The following SLCO6A1 variants were observed in gnomAD, a reference collection of about 807,000 sequenced individuals.
SLCO6A1 encodes the protein cancer/testis antigen 48.
Under a neutral mutation model 72.7 loss-of-function variants are expected in SLCO6A1, and 65 were observed. That is an observed-to-expected ratio of 0.89 (90% CI 0.73 to 1.10). The LOEUF is 1.10. SLCO6A1 is among the 50% of genes least tolerant of loss of function. The pLI, the probability that SLCO6A1 is intolerant of heterozygous loss-of-function variation, is 0.00. For synonymous variants in SLCO6A1, 314 were observed against 298.2 expected (o/e 1.05, Z -0.55); for missense variants, 874 against 872.6 (o/e 1.00, Z -0.02).
intron 11 of SLCO6A1, among the ~76,000 whole-genome samples, chr5:102,389,641 C>T (rs765729727): frequency 3.4e-4 from 51 of 149,744 alleles, no homozygotes; most frequent in Admixed American, 1.1e-3. Context: ...TTTAATTACT[C>T]AAGTTTAAAA....
At chr5:102,482,032 T>C (rs1482130632) in intron 1 of SLCO6A1, among the ~76,000 whole-genome samples, 4 of 152,160 alleles carry the variant, frequency 2.6e-5, no homozygotes, top group Non-Finnish European at 5.9e-5. Context: ...GCACCCAGGA[T>C]AAGAATTTTC....
chr5:102,498,920 G>C lies in SLCO6A1; in HGVS notation c.-76C>G. On this transcript the variant is annotated 5_prime_UTR_variant, in exon 1 of 14. Coordinates refer to ENST00000506729, the MANE Select transcript of SLCO6A1 (RefSeq NM_173488.5). ...CCGTCCTGCCTGGGCCAACCCAAAG[G>C]CCAGCCTGGCGAGGGCGTCGGAGGA... 2.8e-6 allele frequency: 4 copies of C among 1,403,706 alleles called. No individual in the cohort carries two copies. Among genetic ancestry groups the C allele is most frequent in the Non-Finnish European group, 3.8e-6 (4 of 1,041,006 alleles). The allele number at this position is 1,403,706 out of a possible 1,614,324, so 87.0% of individuals were successfully genotyped here. A position where few individuals can be genotyped will look rare whatever the true frequency, so the allele number is the denominator to read the frequency against.
chr5:102,489,191 C>T (rs1440400242), intron 1 of SLCO6A1, among the ~76,000 whole-genome samples: 2 of 152,180 alleles, frequency 1.3e-5, no homozygotes, highest in African/African-American at 4.8e-5. Context: ...TTTTTAAATG[C>T]TCAGCAGGAT....
At chr5:102,384,882 T>G (rs978995458) in intron 12 of SLCO6A1, among the ~76,000 whole-genome samples, 1 of 152,116 alleles carries the variant, frequency 6.6e-6, no homozygotes, top group Non-Finnish European at 1.5e-5. Flanking sequence ...CCCTTTAGCA[T>G]TTCTCTCTCT....
At chr5:102,440,071 T>C (rs1284234523) in intron 6 of SLCO6A1, among the ~76,000 whole-genome samples, 1 of 152,196 alleles carries the variant, frequency 6.6e-6, no homozygotes, top group Non-Finnish European at 1.5e-5. Flanking sequence ...AACTTTTGCC[T>C]TGGGACTCAG....
chr5:102,447,660 T>C (rs1237546734), intron 6 of SLCO6A1, among the ~76,000 whole-genome samples: 1 of 152,224 alleles, frequency 6.6e-6, no homozygotes. Flanking sequence ...TTTGCGTGCA[T>C]AGTGGTGCTT....
At chr5:102,401,955 T>C (rs1282751078) in intron 9 of SLCO6A1, among the ~76,000 whole-genome samples, 1 of 152,026 alleles carries the variant, frequency 6.6e-6, no homozygotes, top group East Asian at 1.9e-4. Context: ...TACAACCTTT[T>C]AGCCATACAA....
chr5:102,436,761 T>C (rs994725423), intron 7 of SLCO6A1, among the ~76,000 whole-genome samples: 1 of 152,172 alleles, frequency 6.6e-6, no homozygotes, highest in African/African-American at 2.4e-5. Flanking sequence ...CTAAAACAGC[T>C]ACCATTTGAA....
intron 6 of SLCO6A1, among the ~76,000 whole-genome samples, chr5:102,447,614 T>C (rs1032293756): frequency 2.0e-5 from 3 of 152,104 alleles, no homozygotes; most frequent in Non-Finnish European, 4.4e-5. Context: ...GGTTGCATGC[T>C]TCCAGAAATT....
At chr5:102,430,748 G>T (rs1285449801) in intron 7 of SLCO6A1, among the ~76,000 whole-genome samples, 3 of 151,996 alleles carry the variant, frequency 2.0e-5, no homozygotes, top group African/African-American at 7.2e-5. Context: ...ATATTGGCCT[G>T]AATTTTTGTT....
chr5:102,391,278 G>T (rs897208640), intron 10 of SLCO6A1: 3 of 473,668 alleles, frequency 6.3e-6, no homozygotes, highest in Non-Finnish European at 1.1e-5. Flanking sequence ...AAAGAAGAAG[G>T]TTTTTATGGC....
At chr5:102,455,409 T>C (rs1043446256) in intron 6 of SLCO6A1, among the ~76,000 whole-genome samples, 2 of 152,048 alleles carry the variant, frequency 1.3e-5, no homozygotes, top group African/African-American at 4.8e-5. Context: ...ACAGAAAGGA[T>C]GAAGTTATGA....
At chr5:102,377,246 G>A (rs961276100) in intron 12 of SLCO6A1, among the ~76,000 whole-genome samples, 1 of 152,010 alleles carries the variant, frequency 6.6e-6, no homozygotes, top group Non-Finnish European at 1.5e-5. Context: ...TAAGAGAAAG[G>A]ATAAACTGTA....
Position 102,373,209 on chromosome 5 carries a change from C to T in SLCO6A1, c.*15+128G>A, listed in dbSNP as rs144416146. 486 of 530,190 alleles carry T rather than the reference C, an allele frequency of 9.2e-4. 3 individuals carry two copies. Among genetic ancestry groups the T allele is most frequent in the Middle Eastern group, 8.3e-3 (12 of 1,448 alleles). The allele number at this position is 530,190 out of a possible 1,614,324, so 32.8% of individuals were successfully genotyped here. A position where few individuals can be genotyped will look rare whatever the true frequency, so the allele number is the denominator to read the frequency against. ...CACAGACTATATTATTATATTTGCA[C>T]TCAAAATATAATAAAATATATAGAA... On this transcript the variant is annotated intron_variant, in intron 13 of 13. Transcript: ENST00000506729.
rs1749673298 is a variant in SLCO6A1, at chr5:102,438,637, G to A, written c.1256C>T (p.Thr419Ile). 3 of 1,589,778 alleles carry A rather than the reference G, an allele frequency of 1.9e-6. No homozygotes were observed. Among genetic ancestry groups the A allele is most frequent in the Non-Finnish European group, 2.6e-6 (3 of 1,172,742 alleles). ...TCTACCTGCAAGTGTAGTTGCCACA[G>A]TGGGTGTTAATATAAACTGATTTTC... is the stretch of plus-strand genomic sequence containing the variant. ...YLENQFILTP[T>I]VATTLAGLVL... is the part of the protein sequence containing the mutation. Residue 419 changes from threonine (T) to isoleucine (I), a missense_variant, in exon 7 of 14, where the codon ACT becomes ATT. Thr to Ile is a moderately conservative substitution (Grantham distance 89, BLOSUM62 -1). Transcript: ENST00000506729.
chr5:102,388,112 T>C (rs1746515966), intron 12 of SLCO6A1, among the ~76,000 whole-genome samples: 1 of 152,164 alleles, frequency 6.6e-6, no homozygotes, highest in Admixed American at 6.5e-5. Flanking sequence ...AAAATTTTCT[T>C]CAAATTTAAC....
intron 12 of SLCO6A1, among the ~76,000 whole-genome samples, chr5:102,379,381 CA>C (rs1327177460): frequency 6.6e-6 from 1 of 152,036 alleles, no homozygotes; most frequent in Non-Finnish European, 1.5e-5. Flanking sequence ...CCATTTTTCT[CA>C]AAAGGCTTTA....
chr5:102,396,395 C>T (rs1284487741), intron 10 of SLCO6A1, among the ~76,000 whole-genome samples: 1 of 152,088 alleles, frequency 6.6e-6, no homozygotes, highest in East Asian at 1.9e-4. Context: ...TGCCTTTTAG[C>T]TTGTGAGGCT....
At position 102,375,019 on chromosome 5, in the gene SLCO6A1, T is replaced by G. The variant is rs115368187; in HGVS notation, c.2018-1525A>C. Among the ~76,000 whole-genome samples, 1,258 of 152,278 alleles carry G rather than the reference T, an allele frequency of 8.3e-3. 12 individuals are homozygous for G. The highest frequency in any genetic ancestry group is 0.015 in the Non-Finnish European group (1,008 of 68,004). On this transcript the variant is annotated intron_variant, in intron 12 of 13. Coordinates refer to ENST00000506729, the MANE Select transcript of SLCO6A1 (RefSeq NM_173488.5). ...ATCCGACTTTTGCAACAGCTTTTTC[T>G]CTGTGGTTATTTTCTATATTGGATG...
Sources: gnomAD v4.1 joint callset for allele counts (sites outside exome capture counted in the v4.1 genomes callset) on GRCh38, gnomAD v4.1.1 for gene constraint, MANE v1.5 for transcripts, NCBI Gene and HGNC (gene_info 2026-07-23, HGNC 2026-07-21) for gene names.